TULP4: variants seen among roughly 807,000 people sequenced by gnomAD.
The protein encoded by TULP4 is TUB like protein 4, also known as tubby-related protein 4.
A neutral mutation model predicts 129.0 loss-of-function variants in TULP4; 16 were observed. The observed-to-expected ratio is 0.12, with a 90% CI of 0.08 to 0.19. The LOEUF is 0.19. Among genes scored for constraint, TULP4 ranks in the 10% least tolerant of loss-of-function variants. TULP4 has a pLI of 1.00. For synonymous variants in TULP4, 998 were observed against 854.0 expected (o/e 1.17, Z -2.94); for missense variants, 1,842 against 2,059.1 (o/e 0.89, Z 2.04).
intron 2 of TULP4, among the ~76,000 whole-genome samples, chr6:158,425,080 G>T (rs1181659478): frequency 7.2e-6 from 1 of 138,846 alleles, no homozygotes; most frequent in Non-Finnish European, 1.5e-5. Context: ...TTTGAACTCG[G>T]TAGGCGGAGC....
At chr6:158,415,741 TATC>T (rs1194085193) in intron 2 of TULP4, among the ~76,000 whole-genome samples, 1 of 151,998 alleles carries the variant, frequency 6.6e-6, no homozygotes, top group African/African-American at 2.4e-5. Context: ...AAGGCATTGT[TATC>T]ATAGGAGATG....
chr6:158,373,436 A>G (rs1229657264), intron 1 of TULP4, among the ~76,000 whole-genome samples: 1 of 152,166 alleles, frequency 6.6e-6, no homozygotes, highest in African/African-American at 2.4e-5. Context: ...GACTGCTGCC[A>G]AGGAGACTGA....
chr6:158,426,820 CTTT>C (rs1352537788), intron 2 of TULP4, among the ~76,000 whole-genome samples: 1 of 152,088 alleles, frequency 6.6e-6, no homozygotes, highest in Non-Finnish European at 1.5e-5. Context: ...TAGTATGGCC[CTTT>C]TAGTGATATT....
At chr6:158,499,902 T>C (rs1280379752) in intron 12 of TULP4, among the ~76,000 whole-genome samples, 1 of 152,194 alleles carries the variant, frequency 6.6e-6, no homozygotes, top group Non-Finnish European at 1.5e-5. Flanking sequence ...CTTGCTTCTC[T>C]GTTGGTGACC....
At chr6:158,410,382 G>A (rs528720382) in intron 1 of TULP4, among the ~76,000 whole-genome samples, 38 of 148,448 alleles carry the variant, frequency 2.6e-4, no homozygotes, top group Admixed American at 6.7e-4. Context: ...ATGTAAATGT[G>A]GCTAGCCTCT....
chr6:158,424,499 C>T (rs947074827), intron 2 of TULP4, among the ~76,000 whole-genome samples: 1 of 152,152 alleles, frequency 6.6e-6, no homozygotes, highest in African/African-American at 2.4e-5. Context: ...ATCTGCCTGC[C>T]TTGGCCTCCC....
intron 3 of TULP4, among the ~76,000 whole-genome samples, chr6:158,444,940 G>C (rs1382418691): frequency 6.6e-6 from 1 of 152,100 alleles, no homozygotes; most frequent in Non-Finnish European, 1.5e-5. Context: ...GCCTCCCCAG[G>C]AGCTAGGACT....
intron 1 of TULP4, among the ~76,000 whole-genome samples, chr6:158,286,388 A>G (rs1187308998): frequency 6.6e-6 from 1 of 152,130 alleles, no homozygotes; most frequent in Non-Finnish European, 1.5e-5. Flanking sequence ...TCTCGCAATT[A>G]TTTCTGTGTT....
chr6:158,506,504 TAC>T, intron 13 of TULP4, 72 bp from the exon 14 acceptor site: 2 of 979,096 alleles, frequency 2.0e-6, no homozygotes, highest in Non-Finnish European at 3.3e-6. Context: ...GTGCTGGGAC[TAC>T]AGGCGTGAGC....
At chr6:158,455,848 CAG>C (rs1337133091) in intron 5 of TULP4, among the ~76,000 whole-genome samples, 6 of 152,026 alleles carry the variant, frequency 3.9e-5, no homozygotes, top group Non-Finnish European at 7.4e-5. Context: ...GCTGTAAGGA[CAG>C]AGAAAAAGCT....
At chr6:158,318,438 A>G (rs1248925199) in intron 1 of TULP4, among the ~76,000 whole-genome samples, 3 of 152,228 alleles carry the variant, frequency 2.0e-5, no homozygotes, top group African/African-American at 7.2e-5. Context: ...TGAGTTGGTC[A>G]TCCTACTGCC....
At chr6:158,287,166 G>C (rs946284792) in intron 1 of TULP4, among the ~76,000 whole-genome samples, 7 of 152,146 alleles carry the variant, frequency 4.6e-5, no homozygotes, top group African/African-American at 1.7e-4. Context: ...GGAGTATATG[G>C]GTTTGAGATC....
At chr6:158,293,307 A>G (rs1488360249) in intron 1 of TULP4, among the ~76,000 whole-genome samples, 1 of 152,140 alleles carries the variant, frequency 6.6e-6, no homozygotes, top group Non-Finnish European at 1.5e-5. Context: ...TGGGCTTCCA[A>G]GTGGCTGGTG....
intron 1 of TULP4, among the ~76,000 whole-genome samples, chr6:158,244,785 A>G (rs1342362156): frequency 1.3e-5 from 2 of 152,076 alleles, no homozygotes; most frequent in African/African-American, 2.4e-5. Context: ...TGAGCACAGG[A>G]GTTTGAGACC....
chr6:158,405,117 T>C (rs1330989966), intron 1 of TULP4, among the ~76,000 whole-genome samples: 1 of 152,240 alleles, frequency 6.6e-6, no homozygotes, highest in East Asian at 1.9e-4. Context: ...AAATAATGTA[T>C]GTAAAAATGA....
At chr6:158,403,089 G>A (rs1309815558) in intron 1 of TULP4, among the ~76,000 whole-genome samples, 3 of 152,140 alleles carry the variant, frequency 2.0e-5, no homozygotes, top group Non-Finnish European at 1.5e-5. Flanking sequence ...TTGCCGGAAC[G>A]CTGATGGTTA....
At chr6:158,425,420 G>A (rs368779885) in intron 2 of TULP4, among the ~76,000 whole-genome samples, 33 of 150,180 alleles carry the variant, frequency 2.2e-4, no homozygotes, top group Non-Finnish European at 4.1e-4. Flanking sequence ...GGCTGCAGCC[G>A]GAGAATCACT....
chr6:158,424,335 C>T (rs377330341), intron 2 of TULP4, among the ~76,000 whole-genome samples: 1 of 152,134 alleles, frequency 6.6e-6, no homozygotes, highest in Non-Finnish European at 1.5e-5. Context: ...CTGCAACCTC[C>T]GCCTCCCAGA....
At chr6:158,276,933 T>A (rs555323688) in intron 1 of TULP4, among the ~76,000 whole-genome samples, 1 of 152,216 alleles carries the variant, frequency 6.6e-6, no homozygotes, top group South Asian at 2.1e-4. Context: ...GGTCTTTTTT[T>A]CCTTTTTTCT....
Sources: gnomAD v4.1 joint callset for allele counts (sites outside exome capture counted in the v4.1 genomes callset) on GRCh38, gnomAD v4.1.1 for gene constraint, MANE v1.5 for transcripts, NCBI Gene and HGNC (gene_info 2026-07-23, HGNC 2026-07-21) for gene names.